Variants in TMEM170B observed in about 807,000 individuals in gnomAD.
TMEM170B encodes the protein transmembrane protein 170B.
A neutral mutation model predicts 13.0 loss-of-function variants in TMEM170B; 6 were observed. That is an observed-to-expected ratio of 0.46 (90% CI 0.25 to 0.91). The LOEUF (loss-of-function observed/expected upper bound fraction) is 0.91. Among genes scored for constraint, TMEM170B ranks in the 40% least tolerant of loss-of-function variants. The pLI is 0.17. For synonymous variants in TMEM170B, 61 were observed against 64.9 expected (o/e 0.94, Z 0.29); for missense variants, 138 against 165.2 (o/e 0.84, Z 0.90).
Position 11,541,150 on chromosome 6 carries a change from A to G in TMEM170B, c.97+2776A>G, listed in dbSNP as rs1759355241. On this transcript the variant is annotated intron_variant, in intron 1 of 2. Transcript: ENST00000379426. ...GTAAATGAGCATTGGCTTTAATATA[A>G]AGTCACCAGCTGCATTAGCTCCTAA... Among the ~76,000 whole-genome samples the G allele has an allele frequency of 2.0e-5, 3 of 152,236 alleles. 1 individual carries two copies. The South Asian group carries it at 6.2e-4, about 32-fold the overall frequency.
At chr6:11,559,760 A>G (rs1252172456) in intron 1 of TMEM170B, among the ~76,000 whole-genome samples, 1 of 152,134 alleles carries the variant, frequency 6.6e-6, no homozygotes, top group Non-Finnish European at 1.5e-5. Context: ...AAATAACCCA[A>G]TTTGGACACA....
chr6:11,549,156 A>G (rs1318547430), intron 1 of TMEM170B, among the ~76,000 whole-genome samples: 1 of 152,212 alleles, frequency 6.6e-6, no homozygotes, highest in Non-Finnish European at 1.5e-5. Flanking sequence ...TCAGATGAAT[A>G]AGTCTACTGA....
chr6:11,544,321 G>A (rs1355257234), intron 1 of TMEM170B, among the ~76,000 whole-genome samples: 1 of 152,164 alleles, frequency 6.6e-6, no homozygotes, highest in Non-Finnish European at 1.5e-5. Flanking sequence ...AGGATGCTGA[G>A]TCAGTAAATA....
Position 11,581,989 on chromosome 6 carries a change from G to A in TMEM170B, c.*6428G>A, listed in dbSNP as rs1431663471. ...TGGAAGAATTTTTTTGAAAGATTTG[G>A]CCCTCTCACCAATACACACATTCAG... On this transcript the variant is annotated 3_prime_UTR_variant, in exon 3 of 3. Transcript: ENST00000379426. The A allele has an allele frequency of 1.3e-5, 2 of 152,042 alleles. No individual in the cohort carries two copies. Among genetic ancestry groups the A allele is most frequent in the African/African-American group, 4.8e-5 (2 of 41,400 alleles). The allele number at this position is 152,042 out of a possible 1,614,324, so 9.4% of individuals were successfully genotyped here. A position where few individuals can be genotyped will look rare whatever the true frequency, so the allele number is the denominator to read the frequency against.
rs1248453408 is a variant in TMEM170B at position 11,577,037 on chromosome 6, A to G, written c.*1476A>G. On this transcript the variant is annotated 3_prime_UTR_variant, in exon 3 of 3. Transcript: ENST00000379426. Reference sequence around the variant, plus strand: ...GAGACATTGCAGAGAATATGAAGTTAAGGATAATCCAAAAATAACCTGGTA... The same window carrying G: ...GAGACATTGCAGAGAATATGAAGTTGAGGATAATCCAAAAATAACCTGGTA... 1.3e-5 allele frequency: 2 copies of G among 152,144 alleles called. No individual in the cohort carries two copies. Among genetic ancestry groups the G allele is most frequent in the East Asian group, 3.8e-4 (2 of 5,206 alleles). 9.4% of individuals were successfully genotyped at this position (152,144 alleles called of 1,614,324 possible).
chr6:11,563,764 A>G (rs1165826477), intron 1 of TMEM170B, among the ~76,000 whole-genome samples: 1 of 152,238 alleles, frequency 6.6e-6, no homozygotes, highest in African/African-American at 2.4e-5. Context: ...CAGGGGTTCT[A>G]GACCAGTCTG....
rs567105853 is a variant in TMEM170B, at chr6:11,583,379, C to G, written c.*7818C>G. On this transcript the variant is annotated 3_prime_UTR_variant, in exon 3 of 3. Coordinates refer to ENST00000379426, the MANE Select transcript of TMEM170B (RefSeq NM_001100829.3). ...GAACTCTTTACTGATACACACAAGACAACTGTTAAAAAGTGAATCCAGCAC... is the reference window on the plus strand; with the variant it reads ...GAACTCTTTACTGATACACACAAGAGAACTGTTAAAAAGTGAATCCAGCAC... 6.6e-6 allele frequency: 1 copy of G among 152,248 alleles called. No individual in the cohort carries two copies. The highest frequency in any genetic ancestry group is 2.1e-4 in the South Asian group (1 of 4,828). 9.4% of individuals were successfully genotyped at this position (152,248 alleles called of 1,614,324 possible).
Position 11,569,581 on chromosome 6 carries a change from T to C in TMEM170B, c.268+3745T>C, listed in dbSNP as rs553153458. ...TAGTGCAAAAGCAGCCATAGACATA[T>C]GTAAATGAATGCTCATGGCCTGTTT... is the stretch of plus-strand genomic sequence containing the variant. On this transcript the variant is annotated intron_variant, in intron 2 of 2. Coordinates refer to ENST00000379426, the MANE Select transcript of TMEM170B (RefSeq NM_001100829.3). Among the ~76,000 whole-genome samples the C allele has an allele frequency of 3.9e-4, 60 of 152,320 alleles. No individual in the cohort carries two copies. In the South Asian group the frequency reaches 0.012, roughly 30 times the overall value.
chr6:11,565,827 A>T lies in TMEM170B; in HGVS notation c.259A>T (p.Met87Leu), dbSNP rs775838286. 3 of 1,613,976 alleles carry T rather than the reference A, an allele frequency of 1.9e-6. No individual in the cohort carries two copies. The highest frequency in any genetic ancestry group is 2.5e-6 in the Non-Finnish European group (3 of 1,179,976). ...IGFLASVTGA[M>L]ITSAAVAGIY... Reference sequence around the variant, plus strand: ...ATTTCTGGCTTCTGTAACTGGAGCGATGATTACCAGTAAGTTGATTTTCTT... The same window carrying T: ...ATTTCTGGCTTCTGTAACTGGAGCGTTGATTACCAGTAAGTTGATTTTCTT... Residue 87 changes from methionine to leucine, a missense_variant, in exon 2 of 3, where the codon ATG becomes TTG. Coordinates refer to ENST00000379426, the MANE Select transcript of TMEM170B (RefSeq NM_001100829.3).
chr6:11,575,296 A>G lies in TMEM170B; in HGVS notation c.269-135A>G. 1.6e-6 allele frequency: 2 copies of G among 1,245,558 alleles called. No individual in the cohort carries two copies. Among genetic ancestry groups the G allele is most frequent in the Non-Finnish European group, 2.2e-6 (2 of 900,930 alleles). The allele number at this position is 1,245,558 out of a possible 1,614,324, so 77.2% of individuals were successfully genotyped here. A position where few individuals can be genotyped will look rare whatever the true frequency, so the allele number is the denominator to read the frequency against. On this transcript the variant is annotated intron_variant, in intron 2 of 2. Transcript: ENST00000379426. This position sits in a 1 kb window ranked among gnomAD's most constrained non-coding sequence, Gnocchi z 4.1. ...TCACCAATCACAGGGAAACTTTTTC[A>G]TAGAAAGTGGATAAAATGAGAAAAA... is the stretch of plus-strand genomic sequence containing the variant.
intron 1 of TMEM170B, among the ~76,000 whole-genome samples, chr6:11,545,600 T>G (rs1561906745): frequency 6.6e-6 from 1 of 152,162 alleles, no homozygotes; most frequent in Non-Finnish European, 1.5e-5. Context: ...ACAGACCTAC[T>G]GTACTGCCTG....
intron 1 of TMEM170B, among the ~76,000 whole-genome samples, chr6:11,552,962 T>A (rs1759544218): frequency 6.6e-6 from 1 of 152,172 alleles, no homozygotes; most frequent in Non-Finnish European, 1.5e-5. Flanking sequence ...GCTCCTATTG[T>A]CAGGGAGTTT....
At chr6:11,555,363 G>A (rs777002954) in intron 1 of TMEM170B, among the ~76,000 whole-genome samples, 1 of 152,038 alleles carries the variant, frequency 6.6e-6, no homozygotes, top group Non-Finnish European at 1.5e-5. Flanking sequence ...ATGTGTCTAG[G>A]TATGTGTGTG....
At chr6:11,564,688 AAGG>A (rs1333758508) in intron 1 of TMEM170B, among the ~76,000 whole-genome samples, 4 of 152,236 alleles carry the variant, frequency 2.6e-5, no homozygotes, top group African/African-American at 7.2e-5. Context: ...ATAACTCATT[AAGG>A]GACTTGATTC....
intron 1 of TMEM170B, among the ~76,000 whole-genome samples, chr6:11,557,115 T>A (rs1349155839): frequency 6.6e-6 from 1 of 152,206 alleles, no homozygotes. Context: ...TGATTTCTTC[T>A]TACCCACTTG....
rs899468028 is a variant in TMEM170B, at chr6:11,565,587, A to G, written c.98-79A>G. The G allele has an allele frequency of 4.7e-6, 7 of 1,502,438 alleles. No individual in the cohort carries two copies. The African/African-American group carries it at 8.3e-5, about 18-fold the overall frequency. The allele number at this position is 1,502,438 out of a possible 1,614,324, so 93.1% of individuals were successfully genotyped here. A position where few individuals can be genotyped will look rare whatever the true frequency, so the allele number is the denominator to read the frequency against. Reference sequence around the variant, plus strand: ...ATTATGTCATTTAACCTCCCAAACCATAGGTGCTCACTGTTTGTTAAATTG... The same window carrying G: ...ATTATGTCATTTAACCTCCCAAACCGTAGGTGCTCACTGTTTGTTAAATTG... On this transcript the variant is annotated intron_variant, in intron 1 of 2. Transcript: ENST00000379426.
In TMEM170B at chr6:11,537,823, T is replaced by C. The variant is rs2113757108; in HGVS notation, c.-455T>C. On this transcript the variant is annotated 5_prime_UTR_variant, in exon 1 of 3. Coordinates refer to ENST00000379426, the MANE Select transcript of TMEM170B (RefSeq NM_001100829.3). The stretch of plus-strand genomic sequence containing the variant: ...CGCAGCCTCTGGCTGGTCCCGCGTC[T>C]CCGTCCTCCGGCGGCGATGAGCTGG... Among the ~76,000 whole-genome samples, 2 of 151,540 alleles carry C rather than the reference T, an allele frequency of 1.3e-5. 1 individual carries two copies. Among genetic ancestry groups the C allele is most frequent in the East Asian group, 3.9e-4 (2 of 5,070 alleles).
rs567058856 is a variant in TMEM170B, at chr6:11,555,439, T to G, written c.98-10227T>G. ...GTGGGAGGTATTTATCTTAGGATTC[T>G]GTGAGAGTCTTGGATTTGTGGTTTG... On this transcript the variant is annotated intron_variant, in intron 1 of 2. Transcript: ENST00000379426. Among the ~76,000 whole-genome samples, 6 of 152,308 alleles carry G rather than the reference T, an allele frequency of 3.9e-5. No homozygotes were observed. The South Asian group carries it at 1.2e-3, about 32-fold the overall frequency.
rs143273061 is a variant in TMEM170B, at chr6:11,562,015, A to C, written c.98-3651A>C. ...GTTAAATATAGTCAATAAATAAATT[A>C]TTTCCTCTAATTGTATTATAAGAAC... is the stretch of plus-strand genomic sequence containing the variant. On this transcript the variant is annotated intron_variant, in intron 1 of 2. Coordinates refer to ENST00000379426, the MANE Select transcript of TMEM170B (RefSeq NM_001100829.3). Among the ~76,000 whole-genome samples, 172 of 152,274 alleles carry C rather than the reference A, an allele frequency of 1.1e-3. 3 individuals carry two copies. The East Asian group carries it at 0.025, about 23-fold the overall frequency.
Sources: allele counts gnomAD v4.1 joint callset (sites outside exome capture counted in the v4.1 genomes callset), GRCh38; gene constraint gnomAD v4.1.1; non-coding constraint Gnocchi (gnomAD v3.1); transcripts MANE v1.5; gene names NCBI Gene and HGNC (gene_info 2026-07-23, HGNC 2026-07-21).